Variants in RGPD3 observed in about 807,000 individuals in gnomAD.
RGPD3 encodes the protein RANBP2 like and GRIP domain containing 3, also known as ranBP2-like and GRIP domain-containing protein 3.
RGPD3 carries 62 observed loss-of-function variants against 154.5 expected under a neutral mutation model. The observed-to-expected ratio is 0.40, with a 90% CI of 0.33 to 0.50. The LOEUF is 0.50. RGPD3 is among the 20% of genes least tolerant of loss of function. The pLI, the probability that RGPD3 is intolerant of heterozygous loss-of-function variation, is 0.59. For synonymous variants in RGPD3, 308 were observed against 607.0 expected (o/e 0.51, Z 7.24); for missense variants, 919 against 1,716.8 (o/e 0.54, Z 8.21).
intron 18 of RGPD3, among the ~76,000 whole-genome samples, chr2:106,428,999 G>A (rs926878783): frequency 3.3e-5 from 5 of 151,436 alleles, no homozygotes; most frequent in Non-Finnish European, 7.4e-5. Flanking sequence ...CCAACCCACA[G>A]TAAACACTAT....
chr2:106,461,475 C>A (rs1167907008), intron 1 of RGPD3, among the ~76,000 whole-genome samples: 1 of 152,162 alleles, frequency 6.6e-6, no homozygotes, highest in African/African-American at 2.4e-5. Flanking sequence ...TAGGACGGAG[C>A]AGGAGGCCGT....
intron 1 of RGPD3, among the ~76,000 whole-genome samples, chr2:106,463,416 G>C (rs575474411): frequency 3.6e-4 from 55 of 152,034 alleles, no homozygotes; most frequent in African/African-American, 1.3e-3. Context: ...CGGAGGTTGT[G>C]GTGAGCTGAG....
chr2:106,466,201 G>A (rs889153531), intron 1 of RGPD3, among the ~76,000 whole-genome samples: 7 of 152,136 alleles, frequency 4.6e-5, no homozygotes, highest in Non-Finnish European at 7.4e-5. Flanking sequence ...AGGAAGCGCC[G>A]GCGCCAACGG....
rs532057440 is a variant in RGPD3 at position 106,418,021 on chromosome 2, G to A, written c.4925-2032C>T. 1.6e-3 allele frequency among the ~76,000 whole-genome samples: 229 copies of A among 145,760 alleles called. 7 individuals are homozygous for A. Among genetic ancestry groups the A allele is most frequent in the Admixed American group, 2.8e-3 (41 of 14,480 alleles). ...GCAGGTGCCTGTAATCCCAGCTGCT[G>A]GGGAGGCTGAGGCAGAGAACTGCTG... On this transcript the variant is annotated intron_variant, in intron 20 of 22. Transcript: ENST00000409886.
At chr2:106,421,359 A>G (rs1269345611) in intron 20 of RGPD3, among the ~76,000 whole-genome samples, 1 of 152,048 alleles carries the variant, frequency 6.6e-6, no homozygotes, top group African/African-American at 2.4e-5. Context: ...ATCCACTTTT[A>G]AGTTAACACT....
At chr2:106,411,497 TA>T (rs1676670866) in intron 22 of RGPD3, among the ~76,000 whole-genome samples, 1 of 148,096 alleles carries the variant, frequency 6.8e-6, no homozygotes, top group Admixed American at 6.8e-5. Flanking sequence ...AGTGGCACAT[TA>T]AAAATATATT....
At chr2:106,442,011 C>G (rs1399529686) in intron 7 of RGPD3, among the ~76,000 whole-genome samples, 1 of 131,560 alleles carries the variant, frequency 7.6e-6, no homozygotes, top group African/African-American at 2.9e-5. Context: ...GAGACCCTAT[C>G]TCTAAAAAAA....
intron 19 of RGPD3, 34 bp from the exon 20 acceptor site, chr2:106,425,300 C>T (rs1365017370): frequency 1.9e-6 from 3 of 1,608,998 alleles, no homozygotes; most frequent in Admixed American, 3.4e-5. Context: ...TTTCTTGATC[C>T]ACATGCCCAA....
At chr2:106,426,953 T>C (rs1677217614) in intron 18 of RGPD3, among the ~76,000 whole-genome samples, 1 of 151,128 alleles carries the variant, frequency 6.6e-6, no homozygotes, top group Admixed American at 6.6e-5. Context: ...GAAATTACTA[T>C]GGGGAGGAAG....
At chr2:106,412,764 A>G (rs948288162) in intron 22 of RGPD3, 3 of 513,406 alleles carry the variant, frequency 5.8e-6, no homozygotes, top group Non-Finnish European at 7.4e-6. Flanking sequence ...ATGTTTTTTA[A>G]AAAGTAGAAT....
chr2:106,450,095 G>A (rs1054341436), intron 6 of RGPD3, among the ~76,000 whole-genome samples: 3 of 136,218 alleles, frequency 2.2e-5, no homozygotes, highest in Non-Finnish European at 4.7e-5. Flanking sequence ...TTAGCCAGGT[G>A]TGGGCTGGGC....
intron 1 of RGPD3, among the ~76,000 whole-genome samples, chr2:106,466,367 G>A (rs1157047559): frequency 6.8e-6 from 1 of 148,104 alleles, no homozygotes; most frequent in Non-Finnish European, 1.5e-5. Context: ...GGCCGCCGCC[G>A]GGCCGGGTCC....
intron 7 of RGPD3, among the ~76,000 whole-genome samples, 183 bp from the exon 8 acceptor site, chr2:106,441,563 G>C (rs1017435849): frequency 9.2e-5 from 14 of 151,742 alleles, no homozygotes; most frequent in African/African-American, 3.4e-4. Context: ...ATGAAAGATA[G>C]GCCAGGTACA....
chr2:106,465,088 C>T (rs1244204037), intron 1 of RGPD3, among the ~76,000 whole-genome samples: 10 of 151,448 alleles, frequency 6.6e-5, no homozygotes, highest in Admixed American at 5.3e-4. Context: ...GATATACAGA[C>T]GCATCATCAC....
At chr2:106,468,000 C>A (rs1277979126) in intron 1 of RGPD3, among the ~76,000 whole-genome samples, 1 of 142,840 alleles carries the variant, frequency 7.0e-6, no homozygotes, top group Non-Finnish European at 1.5e-5. Flanking sequence ...GGCGCCTCAA[C>A]AGAGCGCGCC....
At chr2:106,422,377 TG>T (rs1677021049) in intron 20 of RGPD3, among the ~76,000 whole-genome samples, 1 of 132,974 alleles carries the variant, frequency 7.5e-6, no homozygotes, top group African/African-American at 2.9e-5. Flanking sequence ...TTTTGTTTTT[TG>T]TTTTTTGTTT....
chr2:106,430,128 C>A (rs1003263231), intron 17 of RGPD3, among the ~76,000 whole-genome samples: 2 of 149,570 alleles, frequency 1.3e-5, no homozygotes, highest in African/African-American at 2.4e-5. Flanking sequence ...AAGTGATCCA[C>A]CACCTCAGCC....
At chr2:106,464,605 A>G (rs965378885) in intron 1 of RGPD3, among the ~76,000 whole-genome samples, 3 of 151,838 alleles carry the variant, frequency 2.0e-5, no homozygotes, top group Non-Finnish European at 2.9e-5. Context: ...AGAGCTGTCA[A>G]GTAGACTTTG....
intron 1 of RGPD3, among the ~76,000 whole-genome samples, chr2:106,464,624 G>C (rs1211069149): frequency 6.6e-6 from 1 of 151,754 alleles, no homozygotes; most frequent in Non-Finnish European, 1.5e-5. Context: ...TGAGAAGTAG[G>C]AATCAGCTGC....
Sources: gnomAD v4.1 joint callset for allele counts (sites outside exome capture counted in the v4.1 genomes callset) on GRCh38, gnomAD v4.1.1 for gene constraint, MANE v1.5 for transcripts, NCBI Gene and HGNC (gene_info 2026-07-23, HGNC 2026-07-21) for gene names.